The following ZNF804A variants were observed in gnomAD, a reference collection of about 807,000 sequenced individuals.
ZNF804A encodes zinc finger protein 804A.
Under a neutral mutation model 16.5 loss-of-function variants are expected in ZNF804A, and 2 were observed. That is an observed-to-expected ratio of 0.12 (90% confidence interval 0.05 to 0.38). The LOEUF is 0.38. ZNF804A is among the 10% of genes least tolerant of loss of function. ZNF804A has a pLI of 0.99. For missense variants in ZNF804A, 1,473 were observed against 1,390.7 expected (o/e 1.06, Z -0.94); for synonymous variants, 534 against 489.6 (o/e 1.09, Z -1.20).
chr2:184,704,095 A>G (rs1692978932), intron 1 of ZNF804A, among the ~76,000 whole-genome samples: 1 of 152,116 alleles, frequency 6.6e-6, no homozygotes, highest in Non-Finnish European at 1.5e-5. Flanking sequence ...AAGTGAATCT[A>G]TAGTAATGAT....
At chr2:184,916,942 C>T (rs1466281148) in intron 2 of ZNF804A, among the ~76,000 whole-genome samples, 1 of 152,008 alleles carries the variant, frequency 6.6e-6, no homozygotes, top group Non-Finnish European at 1.5e-5. Flanking sequence ...TTCAGTGATG[C>T]TATTAAGGAC....
chr2:184,795,684 C>A (rs1286457621), intron 1 of ZNF804A, among the ~76,000 whole-genome samples: 1 of 151,874 alleles, frequency 6.6e-6, no homozygotes, highest in Non-Finnish European at 1.5e-5. Flanking sequence ...TCAAGTTTAA[C>A]CAAGAAAAGA....
chr2:184,888,298 A>C (rs749270022), intron 2 of ZNF804A, among the ~76,000 whole-genome samples: 5 of 152,070 alleles, frequency 3.3e-5, no homozygotes, highest in Non-Finnish European at 5.9e-5. Context: ...TTATCCATGA[A>C]TTTTTCCTAA....
intron 1 of ZNF804A, among the ~76,000 whole-genome samples, chr2:184,811,833 C>G (rs989371679): frequency 6.6e-5 from 10 of 152,166 alleles, no homozygotes; most frequent in Admixed American, 4.6e-4. Flanking sequence ...TCAAAATTTA[C>G]AACATGGCAG....
intron 1 of ZNF804A, among the ~76,000 whole-genome samples, chr2:184,669,236 T>G (rs1692303660): frequency 6.6e-6 from 1 of 152,072 alleles, no homozygotes; most frequent in Admixed American, 6.6e-5. Context: ...ATACATATTT[T>G]TTCTGGAAAT....
chr2:184,908,069 T>G (rs1685303559), intron 2 of ZNF804A, among the ~76,000 whole-genome samples: 1 of 152,154 alleles, frequency 6.6e-6, no homozygotes, highest in Non-Finnish European at 1.5e-5. Context: ...TTCCAATTGC[T>G]TCTGTAATAA....
chr2:184,608,456 A>G (rs1691185732), intron 1 of ZNF804A, among the ~76,000 whole-genome samples: 1 of 152,164 alleles, frequency 6.6e-6, no homozygotes, highest in Non-Finnish European at 1.5e-5. Context: ...GTGGAAAAGC[A>G]GCTTTCCTCA....
intron 2 of ZNF804A, among the ~76,000 whole-genome samples, chr2:184,869,974 A>G (rs1433591056): frequency 6.6e-6 from 1 of 152,034 alleles, no homozygotes; most frequent in Non-Finnish European, 1.5e-5. Flanking sequence ...TATGATTACA[A>G]TAGCTCACAA....
chr2:184,894,612 T>C (rs1260331528), intron 2 of ZNF804A, among the ~76,000 whole-genome samples: 1 of 152,084 alleles, frequency 6.6e-6, no homozygotes. Flanking sequence ...TATTACTATA[T>C]TGATAAAATT....
At chr2:184,790,825 G>A (rs112849360) in intron 1 of ZNF804A, among the ~76,000 whole-genome samples, 5,554 of 152,050 alleles carry the variant, frequency 0.037, 331 homozygotes, top group African/African-American at 0.12. Flanking sequence ...GGATGGTCTC[G>A]ATCTCCTGAC....
intron 2 of ZNF804A, among the ~76,000 whole-genome samples, chr2:184,875,368 T>C (rs951405628): frequency 1.3e-5 from 2 of 152,260 alleles, no homozygotes; most frequent in Admixed American, 1.3e-4. Context: ...GTTGTCACTC[T>C]TACTTCCCAG....
intron 1 of ZNF804A, among the ~76,000 whole-genome samples, chr2:184,743,513 G>T (rs973554375): frequency 6.6e-6 from 1 of 151,806 alleles, no homozygotes; most frequent in Non-Finnish European, 1.5e-5. Context: ...AAGTGCAATA[G>T]TATTTTAAAC....
chr2:184,669,756 A>T (rs1692312824), intron 1 of ZNF804A, among the ~76,000 whole-genome samples: 1 of 39,292 alleles, frequency 2.5e-5, no homozygotes. Flanking sequence ...TCTCTCTCAC[A>T]CACACACGCA....
chr2:184,773,307 C>T (rs1318426434), intron 1 of ZNF804A, among the ~76,000 whole-genome samples: 1 of 151,494 alleles, frequency 6.6e-6, no homozygotes, highest in Non-Finnish European at 1.5e-5. Flanking sequence ...CCAACCAATA[C>T]CTGTATCTCA....
In ZNF804A at chr2:184,936,353, T is replaced by C. The variant is rs1325326052; in HGVS notation, c.957T>C (p.Ser319=). 1.2e-6 allele frequency: 2 copies of C among 1,613,878 alleles called. No homozygotes were observed. Among genetic ancestry groups the C allele is most frequent in the South Asian group, 1.1e-5 (1 of 91,086 alleles). ...TTTGCAAGTTTCAACTTCAGTTATC[T>C]TCTGATGCAGATAATTGTCAAAATT... The part of the protein sequence containing the change: ...PSFCKFQLQL[S]SDADNCQNSV... Residue 319 remains serine, a synonymous_variant, in exon 4 of 4, where the codon TCT becomes TCC. Coordinates refer to ENST00000302277, the MANE Select transcript of ZNF804A (RefSeq NM_194250.2).
rs769569761 is a variant in ZNF804A at position 184,939,005 on chromosome 2, C to G, written c.3609C>G (p.Ile1203Met). 1 of 1,613,822 alleles carries G rather than the reference C, an allele frequency of 6.2e-7. No homozygotes were observed. Among genetic ancestry groups the G allele is most frequent in the Non-Finnish European group, 8.5e-7 (1 of 1,179,820 alleles). Reference sequence around the variant, plus strand: ...TGCTTTCCCCACACCCTACTGTCATCCCTTTGCAACCTCTCTTCTAGTCAT... The same window carrying G: ...TGCTTTCCCCACACCCTACTGTCATGCCTTTGCAACCTCTCTTCTAGTCAT... ...PSLLSPHPTV[I>M]PLQPLF Residue 1203 changes from isoleucine to methionine, a missense_variant, in exon 4 of 4, where the codon ATC becomes ATG. Physicochemically the swap from Ile to Met is conservative, Grantham distance 10. Transcript: ENST00000302277.
chr2:184,847,533 A>T (rs992146916), intron 1 of ZNF804A, among the ~76,000 whole-genome samples: 1 of 152,090 alleles, frequency 6.6e-6, no homozygotes, highest in Non-Finnish European at 1.5e-5. Flanking sequence ...CTTGCCAAAC[A>T]GGGAAAAGAT....
intron 2 of ZNF804A, among the ~76,000 whole-genome samples, chr2:184,873,337 A>C (rs990993351): frequency 1.3e-5 from 2 of 152,160 alleles, no homozygotes; most frequent in African/African-American, 4.8e-5. Context: ...AAAATACAAA[A>C]ATTAGCTGGC....
In ZNF804A at chr2:184,858,666, T is replaced by A. The variant is rs538737172; in HGVS notation, c.112-7703T>A. 2.6e-5 allele frequency among the ~76,000 whole-genome samples: 4 copies of A among 152,192 alleles called. No homozygotes were observed. The East Asian group carries it at 5.8e-4, about 22-fold the overall frequency. On this transcript the variant is annotated intron_variant, in intron 1 of 3. Coordinates refer to ENST00000302277, the MANE Select transcript of ZNF804A (RefSeq NM_194250.2). ...ATTGTAATGATAATTATTTTAAATA[T>A]TTTTTTGAACTTTCATACTAAATAT...
Sources: gnomAD v4.1 joint callset for allele counts (sites outside exome capture counted in the v4.1 genomes callset) on GRCh38, gnomAD v4.1.1 for gene constraint, MANE v1.5 for transcripts, NCBI Gene and HGNC (gene_info 2026-07-23, HGNC 2026-07-21) for gene names.